ROBO2: variants seen among roughly 807,000 people sequenced by gnomAD.
ROBO2 encodes roundabout guidance receptor 2.
A neutral mutation model predicts 160.8 loss-of-function variants in ROBO2; 53 were observed. The observed-to-expected ratio is 0.33, with a 90% CI of 0.26 to 0.41. The LOEUF (loss-of-function observed/expected upper bound fraction) is 0.41. ROBO2 is among the 10% of genes least tolerant of loss of function. The pLI, the probability that ROBO2 is intolerant of heterozygous loss-of-function variation, is 1.00. For synonymous variants in ROBO2, 664 were observed against 611.7 expected, an observed-to-expected ratio of 1.09 and a Z score of -1.26; for missense variants, 1,577 against 1,722.4, an observed-to-expected ratio of 0.92 and a Z score of 1.49.
intron 2 of ROBO2, among the ~76,000 whole-genome samples, chr3:77,294,974 A>G (rs1364063426): frequency 2.0e-5 from 3 of 151,918 alleles, no homozygotes; most frequent in African/African-American, 7.3e-5. Flanking sequence ...AGATCACCAA[A>G]GACATAAAGT....
At chr3:76,797,467 G>A (rs2063788243) in intron 2 of ROBO2, among the ~76,000 whole-genome samples, 1 of 151,620 alleles carries the variant, frequency 6.6e-6, no homozygotes, top group Admixed American at 6.6e-5. Flanking sequence ...ATAGCAATGA[G>A]CACCTATATA....
At chr3:76,458,854 G>T (rs1577342204) in intron 2 of ROBO2, among the ~76,000 whole-genome samples, 1 of 152,066 alleles carries the variant, frequency 6.6e-6, no homozygotes, top group Admixed American at 6.6e-5. Context: ...AAATAGCATG[G>T]GAAAGACCAG....
intron 2 of ROBO2, among the ~76,000 whole-genome samples, chr3:76,932,878 G>A (rs906371626): frequency 3.3e-5 from 5 of 152,008 alleles, no homozygotes; most frequent in African/African-American, 7.2e-5. Flanking sequence ...ATGGGCGCTC[G>A]GATATAATGA....
chr3:77,553,477 G>C (rs928750656), intron 8 of ROBO2, among the ~76,000 whole-genome samples: 2 of 151,922 alleles, frequency 1.3e-5, no homozygotes, highest in Non-Finnish European at 1.5e-5. Context: ...AGCTACAAAG[G>C]CTTAAGTTTA....
chr3:76,608,578 T>G (rs569778467), intron 2 of ROBO2, among the ~76,000 whole-genome samples: 22 of 152,318 alleles, frequency 1.4e-4, no homozygotes, highest in African/African-American at 5.3e-4. Flanking sequence ...TTTAACTTTG[T>G]ATGATCCCAT....
At chr3:76,212,917 C>CAGAAGCGAA (rs1559646028) in intron 2 of ROBO2, among the ~76,000 whole-genome samples, 2 of 151,840 alleles carry the variant, frequency 1.3e-5, no homozygotes, top group South Asian at 4.1e-4. Flanking sequence ...TTCTTAGTTT[C>CAGAAGCGAA]ACTTTTGGTA....
intron 2 of ROBO2, among the ~76,000 whole-genome samples, chr3:76,985,242 T>C (rs2060308090): frequency 6.6e-6 from 1 of 152,080 alleles, no homozygotes; most frequent in Admixed American, 6.6e-5. Context: ...ACTGAATAAC[T>C]TTAAAATATG....
intron 2 of ROBO2, among the ~76,000 whole-genome samples, chr3:76,453,016 G>A (rs1351841723): frequency 2.0e-5 from 3 of 152,042 alleles, no homozygotes; most frequent in African/African-American, 7.2e-5. Flanking sequence ...ACTTTTTGAT[G>A]GGGTTGTTTG....
At chr3:76,934,079 C>T (rs2077525168) in intron 2 of ROBO2, among the ~76,000 whole-genome samples, 3 of 152,054 alleles carry the variant, frequency 2.0e-5, no homozygotes, top group East Asian at 1.9e-4. Flanking sequence ...GTACTGTGTT[C>T]CAGAAACTTT....
At chr3:77,447,298 A>G (rs1383381450) in intron 2 of ROBO2, among the ~76,000 whole-genome samples, 1 of 152,140 alleles carries the variant, frequency 6.6e-6, no homozygotes, top group Non-Finnish European at 1.5e-5. Flanking sequence ...CTATAGTAAG[A>G]AACATAGTAT....
rs150553967 is a variant in ROBO2 at position 77,014,292 on chromosome 3, T to C, written c.110-83722T>C. ...TACGACCTAATGGATTACTACTTCA[T>C]TTGACATTCCTCTCTCACAAGCAGC... is the stretch of plus-strand genomic sequence containing the variant. On this transcript the variant is annotated intron_variant, in intron 2 of 26. Coordinates refer to the ROBO2 transcript ENST00000487694. 1.8e-3 allele frequency among the ~76,000 whole-genome samples: 267 copies of C among 152,344 alleles called. 2 individuals are homozygous for C. Among genetic ancestry groups the C allele is most frequent in the African/African-American group, 5.9e-3 (247 of 41,574 alleles).
At chr3:77,539,197 G>A (rs543986872) in intron 6 of ROBO2, among the ~76,000 whole-genome samples, 5 of 152,150 alleles carry the variant, frequency 3.3e-5, no homozygotes, top group Non-Finnish European at 7.4e-5. Flanking sequence ...TAGAATTACA[G>A]GAGTGAGCCA....
chr3:77,593,426 C>A (rs560309052), intron 17 of ROBO2, among the ~76,000 whole-genome samples: 1 of 152,268 alleles, frequency 6.6e-6, no homozygotes, highest in East Asian at 1.9e-4. Context: ...TTCCTGATTT[C>A]CCGCATTTCA....
intron 2 of ROBO2, among the ~76,000 whole-genome samples, chr3:76,202,873 T>G (rs1702603082): frequency 6.6e-6 from 1 of 151,352 alleles, no homozygotes; most frequent in African/African-American, 2.5e-5. Context: ...GTTGACTTGT[T>G]GATCTACTGT....
At chr3:76,529,689 C>T (rs2082123858) in intron 2 of ROBO2, among the ~76,000 whole-genome samples, 1 of 152,080 alleles carries the variant, frequency 6.6e-6, no homozygotes, top group Non-Finnish European at 1.5e-5. Flanking sequence ...TACTAATGGA[C>T]AGAAAAAACT....
intron 2 of ROBO2, among the ~76,000 whole-genome samples, chr3:76,313,436 A>G (rs2107800279): frequency 6.6e-6 from 1 of 152,284 alleles, no homozygotes; most frequent in Middle Eastern, 3.4e-3. Flanking sequence ...AATTTGTTCA[A>G]CATTATTTCC....
At chr3:77,524,049 C>G (rs1047657126) in intron 6 of ROBO2, among the ~76,000 whole-genome samples, 1 of 151,206 alleles carries the variant, frequency 6.6e-6, no homozygotes, top group Non-Finnish European at 1.5e-5. Flanking sequence ...TCATACAAAA[C>G]TCAACTACCT....
chr3:76,329,445 T>A (rs1559773585), intron 2 of ROBO2, among the ~76,000 whole-genome samples: 6 of 152,200 alleles, frequency 3.9e-5, no homozygotes, highest in Admixed American at 3.3e-4. Context: ...CTCCAACTCC[T>A]GACCTCAAGT....
At chr3:76,483,742 AG>A (rs1401185409) in intron 2 of ROBO2, among the ~76,000 whole-genome samples, 1 of 151,968 alleles carries the variant, frequency 6.6e-6, no homozygotes, top group East Asian at 1.9e-4. Context: ...GATAGGCCCC[AG>A]TGTGTGCTAT....
Sources: gnomAD v4.1 joint callset for allele counts (sites outside exome capture counted in the v4.1 genomes callset) on GRCh38, gnomAD v4.1.1 for gene constraint, MANE v1.5 for transcripts, NCBI Gene and HGNC (gene_info 2026-07-23, HGNC 2026-07-21) for gene names.